Variants in SHANK2 observed in about 807,000 individuals in gnomAD.
SHANK2 encodes the protein SH3 and multiple ankyrin repeat domains protein 2.
A neutral mutation model predicts 133.7 loss-of-function variants in SHANK2; 43 were observed. That is an observed-to-expected ratio of 0.32 (90% CI 0.25 to 0.41). The LOEUF (loss-of-function observed/expected upper bound fraction) is 0.41. SHANK2 is among the 10% of genes least tolerant of loss of function. The pLI is 1.00. For synonymous variants in SHANK2, 1,017 were observed against 952.8 expected, an observed-to-expected ratio of 1.07 and a Z score of -1.24; for missense variants, 1,994 against 2,235.8, an observed-to-expected ratio of 0.89 and a Z score of 2.18.
intron 4 of SHANK2, among the ~76,000 whole-genome samples, chr11:71,115,583 C>T (rs979307024): frequency 6.6e-6 from 1 of 152,186 alleles, no homozygotes; most frequent in African/African-American, 2.4e-5. Flanking sequence ...TCACAACGCA[C>T]ACACTGCTCC....
rs4415789 is a variant in SHANK2 at position 71,252,139 on chromosome 11, C to T, written c.-113+286G>A. Reference sequence around the variant, plus strand: ...AGCGGGGGCTCCTTCCTGCGCTCTGCCCCCACGCCGCTTCCAAAGCTTTCG... The same window carrying T: ...AGCGGGGGCTCCTTCCTGCGCTCTGTCCCCACGCCGCTTCCAAAGCTTTCG... On this transcript the variant is annotated intron_variant, in intron 1 of 25. Coordinates refer to ENST00000601538, the MANE Select transcript of SHANK2 (RefSeq NM_012309.5). This position sits in a 1 kb window ranked among gnomAD's most constrained non-coding sequence, Gnocchi z 6.3. Among the ~76,000 whole-genome samples, 1,674 of 152,294 alleles carry T rather than the reference C, an allele frequency of 0.011. 28 individuals are homozygous for T. Among genetic ancestry groups the T allele is most frequent in the African/African-American group, 0.039 (1,603 of 41,586 alleles).
chr11:70,732,347 G>A (rs1946308426), intron 14 of SHANK2, among the ~76,000 whole-genome samples: 1 of 152,178 alleles, frequency 6.6e-6, no homozygotes, highest in Admixed American at 6.5e-5. Context: ...GCTCTGGCCT[G>A]AGCCACCTTC....
chr11:70,506,201 G>A (rs1036350475), intron 17 of SHANK2, among the ~76,000 whole-genome samples: 1 of 152,200 alleles, frequency 6.6e-6, no homozygotes, highest in Admixed American at 6.5e-5. Context: ...CGACAGCCTG[G>A]GTGCACGTTC....
At chr11:70,760,210 T>C (rs567987978) in intron 14 of SHANK2, among the ~76,000 whole-genome samples, 323 of 152,344 alleles carry the variant, frequency 2.1e-3, no homozygotes, top group Non-Finnish European at 3.6e-3. Flanking sequence ...CAGCTCCTCC[T>C]GTAACCTGCT....
chr11:71,192,185 A>C (rs1325252772), intron 2 of SHANK2, among the ~76,000 whole-genome samples: 1 of 152,174 alleles, frequency 6.6e-6, no homozygotes, highest in Admixed American at 6.5e-5. Context: ...TTATCAGGAC[A>C]CCAGTCCTTT....
intron 10 of SHANK2, among the ~76,000 whole-genome samples, chr11:70,934,957 G>A (rs1555083212): frequency 6.6e-6 from 1 of 152,204 alleles, no homozygotes; most frequent in East Asian, 1.9e-4. Flanking sequence ...CGGAGAGAAG[G>A]GACGGGGCAG....
intron 14 of SHANK2, among the ~76,000 whole-genome samples, chr11:70,702,325 C>A (rs1314193932): frequency 7.2e-6 from 1 of 139,480 alleles, no homozygotes; most frequent in Non-Finnish European, 1.6e-5. Flanking sequence ...ACCATCATCA[C>A]CATCATCATC....
intron 10 of SHANK2, among the ~76,000 whole-genome samples, chr11:70,945,601 C>A (rs1555085224): frequency 6.6e-6 from 1 of 152,220 alleles, no homozygotes; most frequent in African/African-American, 2.4e-5. Flanking sequence ...TTCAGCATCA[C>A]TAAGCTCATG....
intron 12 of SHANK2, among the ~76,000 whole-genome samples, chr11:70,815,446 G>T (rs1221630974): frequency 6.6e-6 from 1 of 152,012 alleles, no homozygotes; most frequent in East Asian, 1.9e-4. Context: ...GGGACCCTGT[G>T]GTGTCTCCAC....
chr11:70,796,628 G>A (rs1947920920), intron 14 of SHANK2, among the ~76,000 whole-genome samples: 1 of 152,232 alleles, frequency 6.6e-6, no homozygotes, highest in Non-Finnish European at 1.5e-5. Context: ...AGGAGAGGGT[G>A]GGTGTGGACC....
intron 11 of SHANK2, among the ~76,000 whole-genome samples, chr11:70,878,445 T>C (rs2135569930): frequency 6.6e-6 from 1 of 152,248 alleles, no homozygotes; most frequent in African/African-American, 2.4e-5. Context: ...TCTGGAGCAA[T>C]TTACCATATT....
At chr11:71,082,850 C>A (rs962246389) in intron 8 of SHANK2, among the ~76,000 whole-genome samples, 2 of 152,202 alleles carry the variant, frequency 1.3e-5, no homozygotes, top group African/African-American at 4.8e-5. Context: ...ACTGATGTCA[C>A]ACCCATTGCA....
At position 70,486,601 on chromosome 11, in the gene SHANK2, T is replaced by A; in HGVS notation, c.3692A>T (p.Gln1231Leu). Residue 1231 changes from glutamine (Q) to leucine (L), a missense_variant, in exon 25 of 26, where the codon CAA (glutamine) becomes CTA (leucine). Coordinates refer to ENST00000601538, the MANE Select transcript of SHANK2 (RefSeq NM_012309.5). The surrounding 1 kb of genome is among the most constrained non-coding windows in gnomAD (Gnocchi z 8.0). Reference protein sequence around the residue: ...SARDRAMKESQQGPKGEAPKA... With the variant: ...SARDRAMKESLQGPKGEAPKA... ...GGGGGCCTCCCCTTTGGGTCCCTGT[T>A]GAGACTCCTTCATGGCTCGGTCCCT... 1.2e-6 allele frequency: 2 copies of A among 1,613,928 alleles called. No individual in the cohort carries two copies.
intron 2 of SHANK2, among the ~76,000 whole-genome samples, chr11:71,204,110 T>C (rs533745458): frequency 1.1e-4 from 17 of 152,304 alleles, no homozygotes; most frequent in Admixed American, 5.2e-4. Context: ...GGGGGTGGCC[T>C]TGGGGAGCCC....
intron 2 of SHANK2, among the ~76,000 whole-genome samples, chr11:71,176,345 T>G (rs912566419): frequency 6.6e-6 from 1 of 152,108 alleles, no homozygotes; most frequent in Non-Finnish European, 1.5e-5. Flanking sequence ...AATAGAAAAT[T>G]CAATTAATAA....
chr11:70,547,667 C>T (rs1290219307), intron 17 of SHANK2, among the ~76,000 whole-genome samples: 3 of 152,224 alleles, frequency 2.0e-5, no homozygotes, highest in African/African-American at 2.4e-5. Flanking sequence ...AGCTATTCCT[C>T]AGTCTTGAGG....
At chr11:70,532,966 G>A (rs1554973512) in intron 17 of SHANK2, among the ~76,000 whole-genome samples, 2 of 152,228 alleles carry the variant, frequency 1.3e-5, no homozygotes, top group African/African-American at 4.8e-5. Flanking sequence ...GAGAGCCTCA[G>A]AGACATGATG....
At chr11:70,784,841 C>A (rs2135135281) in intron 14 of SHANK2, among the ~76,000 whole-genome samples, 1 of 152,308 alleles carries the variant, frequency 6.6e-6, no homozygotes, top group South Asian at 2.1e-4. Flanking sequence ...GGCCCACGCT[C>A]CAACCGCCAC....
intron 14 of SHANK2, 138 bp from the exon 15 acceptor site, chr11:70,698,901 G>A (rs1341662318): frequency 8.6e-6 from 6 of 695,986 alleles, no homozygotes; most frequent in Non-Finnish European, 1.6e-5. Flanking sequence ...AGAGTCTGGA[G>A]GAAAATGAGG....
Sources: gnomAD v4.1 joint callset for allele counts (sites outside exome capture counted in the v4.1 genomes callset) on GRCh38, gnomAD v4.1.1 for gene constraint, Gnocchi (gnomAD v3.1) non-coding constraint, MANE v1.5 for transcripts, NCBI Gene and HGNC (gene_info 2026-07-23, HGNC 2026-07-21) for gene names.